Variants in SF1 observed in about 807,000 individuals in gnomAD.
SF1 encodes splicing factor 1.
Under a neutral mutation model 62.5 loss-of-function variants are expected in SF1, and 7 were observed. The ratio of observed to expected loss-of-function variants is 0.11; its 90% confidence interval spans 0.06 to 0.21. The LOEUF (loss-of-function observed/expected upper bound fraction) is 0.21. Among genes scored for constraint, SF1 ranks in the 10% least tolerant of loss-of-function variants. The pLI, the probability that SF1 is intolerant of heterozygous loss-of-function variation, is 1.00. For synonymous variants in SF1, 394 were observed against 323.6 expected, an observed-to-expected ratio of 1.22 and a Z score of -2.33; for missense variants, 578 against 884.0, an observed-to-expected ratio of 0.65 and a Z score of 4.39.
chr11:64,766,191 G>C (rs1305272557), intron 12 of SF1, 36 bp from the exon 13 acceptor site: 1 of 1,578,722 alleles, frequency 6.3e-7, no homozygotes, highest in East Asian at 2.2e-5. Flanking sequence ...CACACGCGCG[G>C]GGGCACACCG....
rs1014572115 is a variant in SF1, at chr11:64,768,357, G to A, written c.888-71C>T. On this transcript the variant is annotated intron_variant, in intron 8 of 12. Transcript: ENST00000377390. ...TTAAGAAGGAAGCTTTTATCCTGAG[G>A]AACCAACATATGGAAAGTTCTGAAG... The A allele has an allele frequency of 2.2e-5, 32 of 1,428,916 alleles. No individual in the cohort carries two copies. The East Asian group carries it at 6.4e-4, about 29-fold the overall frequency. The allele number at this position is 1,428,916 out of a possible 1,614,324, so 88.5% of individuals were successfully genotyped here.
intron 1 of SF1, chr11:64,778,010 G>C: frequency 1.0e-6 from 1 of 1,000,826 alleles, no homozygotes; most frequent in Non-Finnish European, 1.2e-6. Context: ...GGCCGGGCCC[G>C]GCTGCTGGTC....
At chr11:64,772,289 A>C (rs920224252) in intron 3 of SF1, 3 of 985,072 alleles carry the variant, frequency 3.0e-6, no homozygotes, top group Admixed American at 6.2e-5. Context: ...AAAAGGCACT[A>C]AACAGTTGTG....
chr11:64,767,819 C>T lies in SF1; in HGVS notation c.1094G>A (p.Arg365His), dbSNP rs761474837. The change falls in exon 10 of 13, where the codon CGC becomes CAC. Residue 365 changes from arginine (R) to histidine (H), a missense_variant. Physicochemically the swap from Arg to His is conservative, Grantham distance 29. This residue lies in a region of SF1 where 410 missense variants were observed against 452.4 expected (regional missense o/e 0.91). Transcript: ENST00000377390. Reference sequence around the variant, plus strand: ...AGGGCCAGAATTCATCCAGGGTGGGCGGCTCTGGGTGGTAGACATGAGAGA... The same window carrying T: ...AGGGCCAGAATTCATCCAGGGTGGGTGGCTCTGGGTGGTAGACATGAGAGA... Reference protein sequence around the residue: ...PPSLMSTTQSRPPWMNSGPSE... With the variant: ...PPSLMSTTQSHPPWMNSGPSE... 4.3e-6 allele frequency: 7 copies of T among 1,613,458 alleles called. No homozygotes were observed. The highest frequency in any genetic ancestry group is 2.2e-5 in the East Asian group (1 of 44,878).
At chr11:64,770,597 G>A (rs1938161376) in intron 3 of SF1, 189 bp from the exon 4 acceptor site, 1 of 561,222 alleles carries the variant, frequency 1.8e-6, no homozygotes, top group East Asian at 3.0e-5. Flanking sequence ...TAACGTTAGG[G>A]GTCTGGGGTG....
Position 64,769,435 on chromosome 11 carries a change from T to G in SF1, c.654A>C (p.Ala218=). 1 of 1,614,246 alleles carries G rather than the reference T, an allele frequency of 6.2e-7. No homozygotes were observed. The change falls in exon 6 of 13, where the codon GCA becomes GCC. Residue 218 remains alanine, a synonymous_variant. Transcript: ENST00000377390. Reference sequence around the variant, plus strand: ...TGGGCTCACCGCTCACCTGTTCCACTGCCTTTTTGACGTTCTCCATTGTAT... The same window carrying G: ...TGGGCTCACCGCTCACCTGTTCCACGGCCTTTTTGACGTTCTCCATTGTAT... ...TANTMENVKK[A]VEQIRNILKQ...
rs762682736 is a variant in SF1 at position 64,765,788 on chromosome 11, A to G, written c.*30T>C. On this transcript the variant is annotated 3_prime_UTR_variant, in exon 13 of 13. Coordinates refer to ENST00000377390, the MANE Select transcript of SF1 (RefSeq NM_004630.4). Reference sequence around the variant, plus strand: ...TTTAAACGAGACCAATTCTCTCTATATATAATATATATTTTCTTAAAAAAC... The same window carrying G: ...TTTAAACGAGACCAATTCTCTCTATGTATAATATATATTTTCTTAAAAAAC... 45 of 1,518,158 alleles carry G rather than the reference A, an allele frequency of 3.0e-5. No homozygotes were observed. In the South Asian group the frequency reaches 4.3e-4, roughly 14 times the overall value. The allele number at this position is 1,518,158 out of a possible 1,614,324, so 94.0% of individuals were successfully genotyped here.
rs1268668260 is a variant in SF1, at chr11:64,765,491, C to T, written c.*327G>A. ...GCGGAAAGTCCTCACTCTCATGGCT[C>T]GGGCCATCGCCGCCGCGGGGAGGGA... is the stretch of plus-strand genomic sequence containing the variant. On this transcript the variant is annotated 3_prime_UTR_variant, in exon 13 of 13. Transcript: ENST00000377390. 2.5e-6 allele frequency: 4 copies of T among 1,612,444 alleles called. No individual in the cohort carries two copies. Among genetic ancestry groups the T allele is most frequent in the Non-Finnish European group, 3.4e-6 (4 of 1,179,410 alleles).
chr11:64,776,650 T>A (rs756605611), intron 1 of SF1, 24 bp from the exon 2 acceptor site: 1 of 1,604,580 alleles, frequency 6.2e-7, no homozygotes, highest in Admixed American at 1.7e-5. Flanking sequence ...ACAAAATCCA[T>A]CCGATGTAAA....
chr11:64,771,122 T>C (rs927988893), intron 3 of SF1, among the ~76,000 whole-genome samples: 12 of 152,190 alleles, frequency 7.9e-5, no homozygotes, highest in African/African-American at 2.2e-4. Flanking sequence ...TTGGTCATAC[T>C]TGTCTAGGGT....
intron 2 of SF1, 77 bp from the exon 3 acceptor site, chr11:64,773,582 A>G: frequency 1.3e-6 from 2 of 1,492,990 alleles, no homozygotes; most frequent in Non-Finnish European, 1.8e-6. Context: ...TCAAATCTCA[A>G]CAACAAGCAT....
At chr11:64,770,227 A>C in intron 4 of SF1, 29 bp downstream of exon 4, 1 of 1,607,222 alleles carries the variant, frequency 6.2e-7, no homozygotes. Flanking sequence ...ATGTGTCTTC[A>C]TCCCAGATGA....
At chr11:64,766,734 A>T (rs2058700354) in intron 12 of SF1, 166 bp downstream of exon 12, 1 of 505,394 alleles carries the variant, frequency 2.0e-6, no homozygotes, top group Non-Finnish European at 3.4e-6. Context: ...TCTCCTCTTC[A>T]AGATGCCCCT....
At chr11:64,772,687 A>T (rs1938524040) in intron 3 of SF1, 1 of 985,336 alleles carries the variant, frequency 1.0e-6, no homozygotes, top group East Asian at 1.1e-4. Flanking sequence ...ATCAGCTAAT[A>T]AAATTCCAGT....
intron 1 of SF1, chr11:64,778,015 C>G (rs1939647330): frequency 1.0e-6 from 1 of 1,004,808 alleles, no homozygotes; most frequent in East Asian, 1.0e-4. Context: ...GGCCCGGCTG[C>G]TGGTCCTTAC....
Position 64,767,827 on chromosome 11 carries a change from G to A in SF1, c.1086C>T (p.Thr362=), listed in dbSNP as rs1282914437. The change falls in exon 10 of 13, where the codon ACC becomes ACT. Residue 362 remains threonine (T), a synonymous_variant. Coordinates refer to ENST00000377390, the MANE Select transcript of SF1 (RefSeq NM_004630.4). The part of the protein sequence containing the change: ...NPPPPSLMST[T]QSRPPWMNSG... ...AATTCATCCAGGGTGGGCGGCTCTG[G>A]GTGGTAGACATGAGAGACTACGTGA... 6 of 1,612,934 alleles carry A rather than the reference G, an allele frequency of 3.7e-6. No individual in the cohort carries two copies. The South Asian group carries it at 6.6e-5, about 18-fold the overall frequency.
intron 2 of SF1, 24 bp from the exon 3 acceptor site, chr11:64,773,529 G>A (rs1565576643): frequency 1.1e-5 from 17 of 1,582,986 alleles, no homozygotes; most frequent in Admixed American, 9.9e-5. Flanking sequence ...GGTTAGGAAA[G>A]AAAAAAAAGG....
At chr11:64,772,446 G>A (rs1592497107) in intron 3 of SF1, 1 of 985,270 alleles carries the variant, frequency 1.0e-6, no homozygotes, top group Non-Finnish European at 1.2e-6. Flanking sequence ...GGAGAAACAA[G>A]GAAGTTAATG....
intron 3 of SF1, 131 bp downstream of exon 3, chr11:64,773,299 T>TCC: frequency 1.4e-6 from 2 of 1,469,386 alleles, no homozygotes; most frequent in South Asian, 2.9e-5. Flanking sequence ...TAAACCTTAA[T>TCC]CCCCAAAGTG....
Sources: allele counts gnomAD v4.1 joint callset (sites outside exome capture counted in the v4.1 genomes callset), GRCh38; gene constraint gnomAD v4.1.1; regional missense constraint gnomAD v4.1.1; transcripts MANE v1.5; gene names NCBI Gene and HGNC (gene_info 2026-07-23, HGNC 2026-07-21).